CAMK1D: variants seen among roughly 807,000 people sequenced by gnomAD.
CAMK1D encodes the protein calcium/calmodulin dependent protein kinase ID.
CAMK1D carries 9 observed loss-of-function variants against 47.7 expected under a neutral mutation model. That is an observed-to-expected ratio of 0.19 (90% CI 0.11 to 0.33). CAMK1D has a LOEUF of 0.33. CAMK1D is among the 10% of genes least tolerant of loss of function. CAMK1D has a pLI of 1.00. For synonymous variants in CAMK1D, 184 were observed against 184.9 expected, an observed-to-expected ratio of 0.99 and a Z score of 0.04; for missense variants, 291 against 488.7, an observed-to-expected ratio of 0.60 and a Z score of 3.81.
intron 1 of CAMK1D, among the ~76,000 whole-genome samples, chr10:12,416,631 G>T (rs1317465966): frequency 6.6e-6 from 1 of 152,242 alleles, no homozygotes; most frequent in African/African-American, 2.4e-5. Context: ...TTCATTTGCA[G>T]AGTGGAATTG....
At chr10:12,403,844 G>C (rs2724791) in intron 1 of CAMK1D, among the ~76,000 whole-genome samples, 106,437 of 151,128 alleles carry the variant, frequency 0.7, 37,649 homozygotes, top group Admixed American at 0.75. Flanking sequence ...GAAGTAGGGT[G>C]GTTGTTTTGG....
intron 10 of CAMK1D, among the ~76,000 whole-genome samples, chr10:12,828,397 T>C (rs564602447): frequency 1.1e-3 from 172 of 152,206 alleles, no homozygotes; most frequent in Non-Finnish European, 1.8e-3. Context: ...TCCCAGCACT[T>C]TGGGAGGCTG....
intron 1 of CAMK1D, among the ~76,000 whole-genome samples, chr10:12,551,667 G>C (rs575418392): frequency 2.0e-5 from 3 of 151,330 alleles, no homozygotes; most frequent in Non-Finnish European, 4.4e-5. Context: ...GAACCTGAGA[G>C]GCAGAGGTTG....
intron 1 of CAMK1D, among the ~76,000 whole-genome samples, chr10:12,515,603 A>C (rs1314805905): frequency 1.8e-5 from 1 of 55,066 alleles, no homozygotes. Flanking sequence ...AGAGTGTGAT[A>C]TTCCCCTTCC....
chr10:12,595,930 C>G (rs1413368588), intron 2 of CAMK1D, among the ~76,000 whole-genome samples: 2 of 152,136 alleles, frequency 1.3e-5, no homozygotes, highest in African/African-American at 2.4e-5. Flanking sequence ...TCTGCCTTCC[C>G]TCCTTTCCAG....
intron 1 of CAMK1D, among the ~76,000 whole-genome samples, chr10:12,484,293 C>T (rs1834148258): frequency 6.6e-6 from 1 of 152,236 alleles, no homozygotes; most frequent in Non-Finnish European, 1.5e-5. Context: ...ACCAAGTCGC[C>T]ATCTCTCTTC....
chr10:12,362,631 G>A (rs1231795359), intron 1 of CAMK1D, among the ~76,000 whole-genome samples: 1 of 152,056 alleles, frequency 6.6e-6, no homozygotes. Context: ...CCGAGTAGCT[G>A]GGACTACAGG....
chr10:12,758,143 C>T (rs1012965634), intron 3 of CAMK1D, among the ~76,000 whole-genome samples: 1 of 152,112 alleles, frequency 6.6e-6, no homozygotes, highest in African/African-American at 2.4e-5. Flanking sequence ...AGCCACCACA[C>T]CCGGCTGCAT....
At chr10:12,459,455 A>G (rs1833359906) in intron 1 of CAMK1D, among the ~76,000 whole-genome samples, 1 of 152,012 alleles carries the variant, frequency 6.6e-6, no homozygotes, top group African/African-American at 2.4e-5. Context: ...TCTATTCTGT[A>G]GTTTAAAAAA....
intron 1 of CAMK1D, among the ~76,000 whole-genome samples, chr10:12,351,486 G>C (rs1389956545): frequency 2.6e-5 from 4 of 152,150 alleles, no homozygotes; most frequent in Non-Finnish European, 4.4e-5. Context: ...CACTGTGGCC[G>C]CCAATGAGGA....
intron 4 of CAMK1D, among the ~76,000 whole-genome samples, chr10:12,765,380 G>C (rs1019662004): frequency 6.6e-6 from 1 of 152,060 alleles, no homozygotes; most frequent in Admixed American, 6.6e-5. Flanking sequence ...AAAGAAGAGA[G>C]GGGAGGGGGT....
chr10:12,447,343 C>T (rs1325919419), intron 1 of CAMK1D, among the ~76,000 whole-genome samples: 1 of 152,266 alleles, frequency 6.6e-6, no homozygotes, highest in African/African-American at 2.4e-5. Flanking sequence ...TCTGATATAT[C>T]ATGATGAGAG....
intron 1 of CAMK1D, among the ~76,000 whole-genome samples, chr10:12,476,011 G>A (rs1833890957): frequency 6.6e-6 from 1 of 152,084 alleles, no homozygotes; most frequent in Non-Finnish European, 1.5e-5. Context: ...GAGAAGTCTA[G>A]GCCGGGTGGG....
chr10:12,753,040 T>C (rs1015220826), intron 3 of CAMK1D, among the ~76,000 whole-genome samples: 2 of 152,010 alleles, frequency 1.3e-5, no homozygotes, highest in Admixed American at 6.6e-5. Context: ...GGTCAGGAGA[T>C]TGAGAGATTG....
intron 1 of CAMK1D, among the ~76,000 whole-genome samples, chr10:12,370,382 T>G (rs1252081932): frequency 6.6e-6 from 1 of 152,114 alleles, no homozygotes; most frequent in African/African-American, 2.4e-5. Context: ...TTTTTATTGT[T>G]ATTTTAGAGT....
chr10:12,355,457 TGTGCGTGTGTGTGTGTGTGCGCGCGC>T (rs1376986868), intron 1 of CAMK1D, among the ~76,000 whole-genome samples: 7 of 152,072 alleles, frequency 4.6e-5, no homozygotes, highest in Non-Finnish European at 5.9e-5. Flanking sequence ...TGTGTTTGTG[TGTGCGTGTGTGTGTGTGTGCGCGCGC>T]GTGCGTGTGT....
chr10:12,655,825 T>C (rs1329010922), intron 2 of CAMK1D, among the ~76,000 whole-genome samples: 1 of 152,240 alleles, frequency 6.6e-6, no homozygotes, highest in Non-Finnish European at 1.5e-5. Flanking sequence ...AACAACTTCA[T>C]GTCTCAAGAA....
rs74118627 is a variant in CAMK1D at position 12,815,743 on chromosome 10, T to C, written c.755-507T>C. ...GGCACAGCTCACTGCATTGCAGTTT[T>C]CTGCTCCAGGGTTTGTAATAGCCCA... On this transcript the variant is annotated intron_variant, in intron 7 of 10. Coordinates refer to ENST00000619168, the MANE Select transcript of CAMK1D (RefSeq NM_153498.4). Among the ~76,000 whole-genome samples, 743 of 152,372 alleles carry C rather than the reference T, an allele frequency of 4.9e-3. 5 individuals carry two copies. Among genetic ancestry groups the C allele is most frequent in the African/African-American group, 0.017 (711 of 41,592 alleles).
chr10:12,737,123 T>A (rs974537537), intron 3 of CAMK1D, among the ~76,000 whole-genome samples: 1 of 152,100 alleles, frequency 6.6e-6, no homozygotes, highest in Non-Finnish European at 1.5e-5. Flanking sequence ...TCTCTAACAC[T>A]GTCCCTGGGC....
Sources: allele counts gnomAD v4.1 joint callset (sites outside exome capture counted in the v4.1 genomes callset), GRCh38; gene constraint gnomAD v4.1.1; transcripts MANE v1.5; gene names NCBI Gene and HGNC (gene_info 2026-07-23, HGNC 2026-07-21).